ARHGAP24: variants seen among roughly 807,000 people sequenced by gnomAD.
ARHGAP24 encodes rho GTPase-activating protein 24.
ARHGAP24 carries 50 observed loss-of-function variants against 76.4 expected under a neutral mutation model. The observed-to-expected ratio is 0.65, with a 90% confidence interval of 0.52 to 0.83. ARHGAP24 has a LOEUF of 0.83. Ranked by LOEUF, ARHGAP24 falls within the 40% of genes least tolerant of loss-of-function variation. The probability of loss-of-function intolerance (pLI) is 0.00; values close to 1 mark genes in which losing one functional copy is unlikely to be tolerated. For synonymous variants in ARHGAP24, 345 were observed against 323.3 expected (o/e 1.07, Z -0.72); for missense variants, 930 against 914.2 (o/e 1.02, Z -0.22).
chr4:85,509,907 G>A (rs1182511612), intron 1 of ARHGAP24, among the ~76,000 whole-genome samples: 1 of 152,032 alleles, frequency 6.6e-6, no homozygotes, highest in East Asian at 1.9e-4. Flanking sequence ...TTTATTACTA[G>A]GAAGTCCTGG....
chr4:85,879,660 C>A (rs962910402), intron 3 of ARHGAP24, among the ~76,000 whole-genome samples: 17 of 151,246 alleles, frequency 1.1e-4, no homozygotes, highest in African/African-American at 3.9e-4. Flanking sequence ...CTTTTAAACC[C>A]CCAGAAACTG....
chr4:85,520,007 T>C (rs17010316), intron 1 of ARHGAP24, among the ~76,000 whole-genome samples: 16,905 of 152,112 alleles, frequency 0.11, 3,015 homozygotes, highest in African/African-American at 0.38. Context: ...TTTACTTTAG[T>C]GATGATTTAA....
intron 1 of ARHGAP24, among the ~76,000 whole-genome samples, chr4:85,545,776 A>G (rs1725900026): frequency 6.6e-6 from 1 of 152,206 alleles, no homozygotes; most frequent in Non-Finnish European, 1.5e-5. Context: ...CATATACAAC[A>G]TGTATATGAT....
At chr4:85,977,834 T>TA in intron 8 of ARHGAP24, 143 bp downstream of exon 8, 1 of 1,052,916 alleles carries the variant, frequency 9.5e-7, no homozygotes, top group Non-Finnish European at 1.4e-6. Context: ...TCTTTAAATG[T>TA]AAAAATCTTC....
chr4:85,617,570 A>G (rs1056289479), intron 2 of ARHGAP24, among the ~76,000 whole-genome samples: 2 of 152,162 alleles, frequency 1.3e-5, no homozygotes, highest in Non-Finnish European at 2.9e-5. Flanking sequence ...TTATATACCA[A>G]TTTAGCCTAT....
At chr4:85,575,269 A>T (rs937621057) in intron 2 of ARHGAP24, among the ~76,000 whole-genome samples, 4 of 152,220 alleles carry the variant, frequency 2.6e-5, no homozygotes, top group Admixed American at 2.0e-4. Flanking sequence ...TGTTTTTATA[A>T]AAACAAACAG....
At position 85,930,964 on chromosome 4, in the gene ARHGAP24, G is replaced by T. The variant is rs778083136; in HGVS notation, c.391+7194G>T. The T allele has an allele frequency of 3.0e-5, 48 of 1,613,498 alleles. No homozygotes were observed. The South Asian group carries it at 4.7e-4, about 16-fold the overall frequency. ...AGACCGGAATTCTGGGGGGTGCCCG[G>T]CTGGTGCCTTAGCCTCAACTCCTTT... On this transcript the variant is annotated intron_variant, in intron 4 of 9. Coordinates refer to ENST00000395184, the MANE Select transcript of ARHGAP24 (RefSeq NM_001025616.3).
intron 2 of ARHGAP24, among the ~76,000 whole-genome samples, chr4:85,670,826 T>C (rs1722791821): frequency 6.6e-6 from 1 of 152,180 alleles, no homozygotes; most frequent in Non-Finnish European, 1.5e-5. Context: ...GGGTTTCCCA[T>C]GTTTAGAATA....
At chr4:85,787,075 G>A (rs987311727) in intron 3 of ARHGAP24, among the ~76,000 whole-genome samples, 1 of 152,048 alleles carries the variant, frequency 6.6e-6, no homozygotes, top group African/African-American at 2.4e-5. Context: ...CAAATTTTGG[G>A]GTCCAGTATT....
chr4:85,979,059 A>C (rs1739493406), intron 8 of ARHGAP24, among the ~76,000 whole-genome samples: 1 of 152,148 alleles, frequency 6.6e-6, no homozygotes, highest in African/African-American at 2.4e-5. Flanking sequence ...TTGTTGATCC[A>C]CGGATTTGTT....
chr4:85,496,184 G>A (rs1723575667), intron 1 of ARHGAP24, among the ~76,000 whole-genome samples: 1 of 152,130 alleles, frequency 6.6e-6, no homozygotes, highest in African/African-American at 2.4e-5. Flanking sequence ...GAGTTACCGG[G>A]AACCATGAAA....
At chr4:85,751,803 A>G (rs1464979264) in intron 3 of ARHGAP24, among the ~76,000 whole-genome samples, 2 of 152,190 alleles carry the variant, frequency 1.3e-5, no homozygotes, top group Non-Finnish European at 2.9e-5. Flanking sequence ...GGAGAGGAAG[A>G]AATATGGACC....
At chr4:85,628,504 T>A (rs1199280192) in intron 2 of ARHGAP24, among the ~76,000 whole-genome samples, 1 of 152,246 alleles carries the variant, frequency 6.6e-6, no homozygotes, top group Non-Finnish European at 1.5e-5. Context: ...TGTATCTATC[T>A]GATAGGTTCA....
intron 2 of ARHGAP24, among the ~76,000 whole-genome samples, chr4:85,640,113 A>G (rs960779813): frequency 6.6e-6 from 1 of 151,968 alleles, no homozygotes; most frequent in African/African-American, 2.4e-5. Flanking sequence ...CAGAGCCCAC[A>G]CCCTCAACAA....
intron 1 of ARHGAP24, among the ~76,000 whole-genome samples, chr4:85,520,424 GA>G (rs1724693228): frequency 6.6e-6 from 1 of 152,156 alleles, no homozygotes; most frequent in African/African-American, 2.4e-5. Flanking sequence ...TCTTATAGAA[GA>G]TAATGGGCAT....
At chr4:85,614,458 A>C (rs887521708) in intron 2 of ARHGAP24, among the ~76,000 whole-genome samples, 1 of 152,076 alleles carries the variant, frequency 6.6e-6, no homozygotes, top group Non-Finnish European at 1.5e-5. Flanking sequence ...TTGGGTATCC[A>C]CATGTACCTC....
chr4:85,817,615 T>A (rs1405756293), intron 3 of ARHGAP24, among the ~76,000 whole-genome samples: 2 of 152,230 alleles, frequency 1.3e-5, no homozygotes, highest in African/African-American at 4.8e-5. Flanking sequence ...TTTTTCCACA[T>A]AATTCATTTT....
At chr4:85,804,202 A>C (rs180845092) in intron 3 of ARHGAP24, among the ~76,000 whole-genome samples, 7 of 152,250 alleles carry the variant, frequency 4.6e-5, no homozygotes, top group Admixed American at 1.3e-4. Flanking sequence ...TGTACAACTC[A>C]TTATAATGAG....
At chr4:85,584,638 A>T (rs1005932854) in intron 2 of ARHGAP24, among the ~76,000 whole-genome samples, 7 of 152,176 alleles carry the variant, frequency 4.6e-5, no homozygotes, top group African/African-American at 1.7e-4. Flanking sequence ...CAATTGGCAA[A>T]ACGAGGCATA....
Sources: allele counts gnomAD v4.1 joint callset (sites outside exome capture counted in the v4.1 genomes callset), GRCh38; gene constraint gnomAD v4.1.1; transcripts MANE v1.5; gene names NCBI Gene and HGNC (gene_info 2026-07-23, HGNC 2026-07-21).